The following ATP7A variants were observed in gnomAD, a reference collection of about 807,000 sequenced individuals.
The protein encoded by ATP7A is copper-transporting ATPase 1.
A neutral mutation model predicts 83.5 loss-of-function variants in ATP7A; 7 were observed. The observed-to-expected ratio is 0.08, with a 90% CI of 0.05 to 0.16. The LOEUF is 0.16. Among genes scored for constraint, ATP7A ranks in the 10% least tolerant of loss-of-function variants. The pLI, the probability that ATP7A is intolerant of heterozygous loss-of-function variation, is 1.00. For synonymous variants in ATP7A, 354 were observed against 395.2 expected (o/e 0.90, Z 1.24); for missense variants, 940 against 1,120.8 (o/e 0.84, Z 2.30).
intron 1 of ATP7A, among the ~76,000 whole-genome samples, chrX:77,955,349 C>T (rs2149062959): frequency 9.0e-6 from 1 of 111,147 alleles, no homozygotes; most frequent in East Asian, 2.8e-4. Flanking sequence ...TAGATGGTAT[C>T]AAACTATCAC....
intron 2 of ATP7A, chrX:77,975,500 T>A (rs1435006371): frequency 1.1e-5 from 1 of 94,495 alleles, no homozygotes; most frequent in African/African-American, 3.9e-5. Context: ...TTTTTTTTTT[T>A]TTTTTTTTAG....
rs782334214 is a variant in ATP7A, at chrX:78,042,573, T to C, written c.3802-12T>C. The C allele has an allele frequency of 7.4e-6, 9 of 1,208,128 alleles. No individual in the cohort carries two copies. The South Asian group carries it at 1.6e-4, about 21-fold the overall frequency. On this transcript the variant is annotated splice_polypyrimidine_tract_variant and intron_variant, in intron 19 of 22. Transcript: ENST00000341514. The stretch of plus-strand genomic sequence containing the variant: ...ATTTTTTAAATGAATTGAGTTTATT[T>C]TCATCACATAGGTTGGCATTACTAA...
At chrX:78,044,211 G>A (rs782483685) in intron 21 of ATP7A, among the ~76,000 whole-genome samples, 102 of 90,678 alleles carry the variant, frequency 1.1e-3, no homozygotes, top group African/African-American at 4.5e-3. Flanking sequence ...CCAAGATCGC[G>A]CCATCGCACT....
intron 2 of ATP7A, among the ~76,000 whole-genome samples, chrX:77,986,679 A>G (rs2077638576): frequency 9.0e-6 from 1 of 111,259 alleles, no homozygotes; most frequent in South Asian, 3.8e-4. Context: ...AGGAGGCCCT[A>G]CCCTCCTGAA....
rs1057523112 is a variant in ATP7A, at chrX:78,011,212, C to T, written c.1906C>T (p.Arg636Trp). ...GFEASLVKKD[R>W]SASHLDHKRE... The stretch of plus-strand genomic sequence containing the variant: ...TGAAGCTTCTTTGGTCAAGAAGGAT[C>T]GGTCAGCAAGTCACTTAGATCATAA... Residue 636 changes from arginine to tryptophan, a missense_variant, in exon 8 of 23, where the codon CGG (arginine) becomes TGG (tryptophan). Arg to Trp is a moderately radical substitution (Grantham distance 101, BLOSUM62 -3). Coordinates refer to ENST00000341514, the MANE Select transcript of ATP7A (RefSeq NM_000052.7). 3.3e-6 allele frequency: 4 copies of T among 1,210,346 alleles called. No homozygotes were observed. Among genetic ancestry groups the T allele is most frequent in the East Asian group, 3.0e-5 (1 of 33,786 alleles).
At chrX:77,916,592 C>T (rs782550653) in intron 1 of ATP7A, among the ~76,000 whole-genome samples, 19 of 110,743 alleles carry the variant, frequency 1.7e-4, no homozygotes, top group African/African-American at 6.2e-4. Context: ...AGATTTTCCA[C>T]ATTCCCTAAT....
Position 78,032,256 on chromosome X carries a change from G to GT in ATP7A, c.3294+683dup, listed in dbSNP as rs1296165355. ...ATTATACTCTATAGTGTGAGTGTTT[G>GT]TTTTTTTTTGACTTTTGCAGTATAT... On this transcript the variant is annotated intron_variant, in intron 16 of 22. Coordinates refer to ENST00000341514, the MANE Select transcript of ATP7A (RefSeq NM_000052.7). Among the ~76,000 whole-genome samples the GT allele has an allele frequency of 1.9e-3, 203 of 107,843 alleles. 1 individual carries two copies. The highest frequency in any genetic ancestry group is 6.4e-3 in the African/African-American group (191 of 29,757). The allele number at this position is 107,843 out of a possible 115,157, so 93.6% of individuals were successfully genotyped here. A position where few individuals can be genotyped will look rare whatever the true frequency, so the allele number is the denominator to read the frequency against.
In ATP7A at chrX:77,964,957, G is replaced by A. The variant is rs1249496404; in HGVS notation, c.-21-6664G>A. The A allele has an allele frequency of 2.6e-5, 3 of 113,287 alleles. No individual in the cohort carries two copies. The Admixed American group carries it at 2.8e-4, about 11-fold the overall frequency. The allele number at this position is 113,287 out of a possible 1,213,427, so 9.3% of individuals were successfully genotyped here. On this transcript the variant is annotated intron_variant, in intron 1 of 22. Transcript: ENST00000341514. ...CTGTAATGGGATTACTGGGTCAAAT[G>A]GTATTTCTAGTTCTAGATCCTTGAG...
chrX:77,915,040 C>T (rs981389783), intron 1 of ATP7A, among the ~76,000 whole-genome samples: 1 of 111,579 alleles, frequency 9.0e-6, no homozygotes, highest in Non-Finnish European at 1.9e-5. Context: ...CTAGGTGGGG[C>T]ACAGTTGCTC....
chrX:77,968,829 C>T (rs782047376), intron 1 of ATP7A: 1 of 1,208,324 alleles, frequency 8.3e-7, no homozygotes, highest in Admixed American at 2.2e-5. Context: ...GGGACAAGAC[C>T]AGCAGGGAGG....
intron 14 of ATP7A, among the ~76,000 whole-genome samples, chrX:78,028,751 G>A (rs942431091): frequency 1.8e-5 from 2 of 112,409 alleles, no homozygotes; most frequent in African/African-American, 6.5e-5. Context: ...AACACTGAAC[G>A]TCACTAAGAG....
At chrX:78,020,465 C>T (rs1235050513) in intron 13 of ATP7A, 67 bp downstream of exon 13, 2 of 1,146,853 alleles carry the variant, frequency 1.7e-6, no homozygotes, top group Non-Finnish European at 2.4e-6. Flanking sequence ...AAATCTTCAC[C>T]TAGTTTTTAC....
chrX:78,022,575 T>C (rs1206514389), intron 14 of ATP7A, among the ~76,000 whole-genome samples: 3 of 110,108 alleles, frequency 2.7e-5, no homozygotes, highest in African/African-American at 9.9e-5. Flanking sequence ...TGGAGTGCAG[T>C]GGCACGATCT....
At chrX:77,991,443 T>C (rs1209790772) in intron 4 of ATP7A, among the ~76,000 whole-genome samples, 2 of 111,653 alleles carry the variant, frequency 1.8e-5, no homozygotes, top group Non-Finnish European at 3.8e-5. Context: ...TATGGATATA[T>C]CACATTTTTG....
intron 5 of ATP7A, among the ~76,000 whole-genome samples, chrX:77,999,874 C>T (rs2077728370): frequency 9.7e-6 from 1 of 103,502 alleles, no homozygotes; most frequent in Non-Finnish European, 2.0e-5. Flanking sequence ...AGCCACTGCA[C>T]TCCAGCCTGT....
Position 77,997,172 on chromosome X carries a change from A to G in ATP7A, c.1337-1306A>G, listed in dbSNP as rs182146430. On this transcript the variant is annotated intron_variant, in intron 4 of 22. Coordinates refer to ENST00000341514, the MANE Select transcript of ATP7A (RefSeq NM_000052.7). ...TGTACACGTACCTCCTGAATCTAAA[A>G]TAAAAGTTGAAATTATTTTTTTAAA... Among the ~76,000 whole-genome samples, 10 of 112,248 alleles carry G rather than the reference A, an allele frequency of 8.9e-5. No individual in the cohort carries two copies. In the East Asian group the frequency reaches 2.8e-3, roughly 31 times the overall value.
At chrX:78,040,025 T>C (rs782265018) in intron 18 of ATP7A, among the ~76,000 whole-genome samples, 3 of 111,618 alleles carry the variant, frequency 2.7e-5, no homozygotes, top group Non-Finnish European at 5.6e-5. Context: ...TGAGATTAAT[T>C]CCACTCTACA....
At chrX:78,017,988 G>T (rs1438137617) in intron 12 of ATP7A, among the ~76,000 whole-genome samples, 5 of 105,106 alleles carry the variant, frequency 4.8e-5, no homozygotes, top group African/African-American at 6.9e-5. Context: ...ATGTTAGCCA[G>T]GATGGTCTCA....
Position 78,029,266 on chromosome X carries a change from T to A in ATP7A, c.2933T>A (p.Ile978Asn), listed in dbSNP as rs376895016. The A allele has an allele frequency of 1.7e-6, 2 of 1,209,301 alleles. No individual in the cohort carries two copies. Among genetic ancestry groups the A allele is most frequent in the Non-Finnish European group, 2.2e-6 (2 of 894,630 alleles). Reference protein sequence around the residue: ...ETYFPGYNRSISRTETIIRFA... With the variant: ...ETYFPGYNRSNSRTETIIRFA... ...CTTCTAAAGGGCTACAATAGAAGTA[T>A]CTCCCGAACAGAAACGATAATACGA... The change falls in exon 15 of 23, where the codon ATC becomes AAC. Residue 978 changes from isoleucine (I) to asparagine (N), a missense_variant. Physicochemically the swap from Ile to Asn is moderately radical, Grantham distance 149. This residue lies in a region of ATP7A where 386 missense variants were observed against 502.2 expected (regional missense o/e 0.77). Coordinates refer to ENST00000341514, the MANE Select transcript of ATP7A (RefSeq NM_000052.7).
Sources: gnomAD v4.1 joint callset for allele counts (sites outside exome capture counted in the v4.1 genomes callset) on GRCh38, gnomAD v4.1.1 for gene constraint, gnomAD v4.1.1 regional missense constraint, MANE v1.5 for transcripts, NCBI Gene and HGNC (gene_info 2026-07-23, HGNC 2026-07-21) for gene names.